The following TBX20 variants were observed in gnomAD, a reference collection of about 807,000 sequenced individuals.
The protein encoded by TBX20 is T-box transcription factor 20, also known as T-box transcription factor TBX20.
A neutral mutation model predicts 42.9 loss-of-function variants in TBX20; 8 were observed. The observed-to-expected ratio is 0.19, with a 90% confidence interval of 0.11 to 0.34. The LOEUF is 0.34. Ranked by LOEUF, TBX20 falls within the 10% of genes least tolerant of loss-of-function variation. The probability of loss-of-function intolerance (pLI) is 1.00; values close to 1 mark genes in which losing one functional copy is unlikely to be tolerated. For synonymous variants in TBX20, 198 were observed against 222.8 expected, an observed-to-expected ratio of 0.89 and a Z score of 0.99; for missense variants, 411 against 566.0, an observed-to-expected ratio of 0.73 and a Z score of 2.78.
At chr7:35,207,242 A>G (rs1789415804) in intron 6 of TBX20, among the ~76,000 whole-genome samples, 1 of 152,092 alleles carries the variant, frequency 6.6e-6, no homozygotes. Context: ...CATACTTTTA[A>G]TTGTGTTCCC....
intron 5 of TBX20, among the ~76,000 whole-genome samples, chr7:35,239,474 G>C (rs922955851): frequency 6.6e-6 from 1 of 152,202 alleles, no homozygotes; most frequent in Non-Finnish European, 1.5e-5. Context: ...CAAGTAAACT[G>C]AGCATGTGAC....
chr7:35,239,616 T>G (rs1450014781), intron 5 of TBX20, among the ~76,000 whole-genome samples: 1 of 152,248 alleles, frequency 6.6e-6, no homozygotes, highest in East Asian at 1.9e-4. Flanking sequence ...CCCTTAAGCT[T>G]ACGCTGGGCA....
intron 6 of TBX20, among the ~76,000 whole-genome samples, chr7:35,214,107 C>A (rs991588142): frequency 2.0e-5 from 3 of 152,004 alleles, no homozygotes; most frequent in Non-Finnish European, 2.9e-5. Flanking sequence ...TAGTGTCTGG[C>A]ACATAGAAGA....
intron 6 of TBX20, among the ~76,000 whole-genome samples, chr7:35,206,045 G>T (rs1030292780): frequency 3.9e-5 from 6 of 152,226 alleles, no homozygotes; most frequent in African/African-American, 1.4e-4. Context: ...ATATATGCCT[G>T]CATGTGCACA....
intron 7 of TBX20, among the ~76,000 whole-genome samples, chr7:35,203,275 GAAC>G (rs1324685824): frequency 6.6e-6 from 1 of 151,982 alleles, no homozygotes. Context: ...GTTGTCCCTT[GAAC>G]AACAGGGGTT....
chr7:35,237,854 A>G (rs1271835981), intron 5 of TBX20, among the ~76,000 whole-genome samples: 1 of 136,014 alleles, frequency 7.4e-6, no homozygotes, highest in Non-Finnish European at 1.6e-5. Flanking sequence ...TGGTGTGAGC[A>G]GCACATTTGT....
At chr7:35,216,605 ATG>A (rs1457769445) in intron 6 of TBX20, among the ~76,000 whole-genome samples, 1 of 152,248 alleles carries the variant, frequency 6.6e-6, no homozygotes, top group Non-Finnish European at 1.5e-5. Context: ...CATTGAGATT[ATG>A]TGTTCCAGAA....
chr7:35,248,750 T>G lies in TBX20; in HGVS notation c.472A>C (p.Lys158Gln). 1 of 1,614,162 alleles carries G rather than the reference T, an allele frequency of 6.2e-7. No homozygotes were observed. The highest frequency in any genetic ancestry group is 8.5e-7 in the Non-Finnish European group (1 of 1,180,026). Residue 158 changes from lysine to glutamine, a missense_variant, in exon 3 of 8, where the codon AAG (lysine) becomes CAG (glutamine). This residue lies in a region of TBX20 where 121 missense variants were observed against 165.9 expected (regional missense o/e 0.73). Coordinates refer to ENST00000408931, the MANE Select transcript of TBX20 (RefSeq NM_001077653.2). Reference sequence around the variant, plus strand: ...CGGTGGTAGGCGTAGCGGTACCTCTTGTTGTCCACAGGGACGATGTCCATC... The same window carrying G: ...CGGTGGTAGGCGTAGCGGTACCTCTGGTTGTCCACAGGGACGATGTCCATC... The part of the protein sequence containing the change: ...VLMDIVPVDN[K>Q]RYRYAYHRSS...
chr7:35,230,513 A>C (rs1789848725), intron 6 of TBX20, among the ~76,000 whole-genome samples: 1 of 151,982 alleles, frequency 6.6e-6, no homozygotes, highest in Non-Finnish European at 1.5e-5. Context: ...TGTTCCCCTA[A>C]ATCAAACCTC....
At chr7:35,211,391 C>T (rs1219719803) in intron 6 of TBX20, among the ~76,000 whole-genome samples, 5 of 152,080 alleles carry the variant, frequency 3.3e-5, no homozygotes, top group African/African-American at 1.2e-4. Flanking sequence ...GAGGGATTTC[C>T]TTTAAAACAT....
chr7:35,227,599 T>C (rs1174160014), intron 6 of TBX20, among the ~76,000 whole-genome samples: 1 of 152,114 alleles, frequency 6.6e-6, no homozygotes, highest in African/African-American at 2.4e-5. Context: ...ATAGCCTACG[T>C]GTGTAGTAGG....
At chr7:35,246,788 G>C (rs1458105917) in intron 3 of TBX20, among the ~76,000 whole-genome samples, 1 of 151,978 alleles carries the variant, frequency 6.6e-6, no homozygotes, top group African/African-American at 2.4e-5. Context: ...AGATAGATAA[G>C]TAGCAAACTA....
intron 6 of TBX20, among the ~76,000 whole-genome samples, chr7:35,214,994 T>A (rs1258614133): frequency 6.6e-6 from 1 of 152,124 alleles, no homozygotes; most frequent in Non-Finnish European, 1.5e-5. Flanking sequence ...ATTTGTTTTT[T>A]AAAAAAAGAG....
At chr7:35,219,487 A>G (rs1789644563) in intron 6 of TBX20, among the ~76,000 whole-genome samples, 1 of 152,320 alleles carries the variant, frequency 6.6e-6, no homozygotes, top group South Asian at 2.1e-4. Flanking sequence ...GAGGTAAAAA[A>G]CCATTCTTAG....
intron 6 of TBX20, among the ~76,000 whole-genome samples, chr7:35,217,999 C>T (rs1392617936): frequency 1.3e-5 from 2 of 152,186 alleles, no homozygotes; most frequent in East Asian, 1.9e-4. Flanking sequence ...GAATTACAGG[C>T]GTGAGCCATT....
chr7:35,224,285 A>T (rs1789732849), intron 6 of TBX20, among the ~76,000 whole-genome samples: 1 of 152,286 alleles, frequency 6.6e-6, no homozygotes, highest in African/African-American at 2.4e-5. Flanking sequence ...AAGAGAAGGT[A>T]CAAAACCAAC....
At chr7:35,210,594 T>C (rs1198532146) in intron 6 of TBX20, among the ~76,000 whole-genome samples, 1 of 152,170 alleles carries the variant, frequency 6.6e-6, no homozygotes, top group Non-Finnish European at 1.5e-5. Flanking sequence ...CTATCAGACA[T>C]AAAGATGTAG....
intron 6 of TBX20, among the ~76,000 whole-genome samples, chr7:35,213,877 C>CAAA (rs59548164): frequency 0.12 from 7,406 of 59,648 alleles, 750 homozygotes; most frequent in Middle Eastern, 0.17. Context: ...GCAGAGATAG[C>CAAA]AAAAAAAAAA....
chr7:35,253,158 T>C (rs1017612589), intron 1 of TBX20, among the ~76,000 whole-genome samples: 8 of 152,236 alleles, frequency 5.3e-5, no homozygotes, highest in African/African-American at 1.9e-4. Context: ...ACATGCACAG[T>C]AAATCCTGTT....
Sources: allele counts gnomAD v4.1 joint callset (sites outside exome capture counted in the v4.1 genomes callset), GRCh38; gene constraint gnomAD v4.1.1; regional missense constraint gnomAD v4.1.1; transcripts MANE v1.5; gene names NCBI Gene and HGNC (gene_info 2026-07-23, HGNC 2026-07-21).